The following SORCS2 variants were observed in gnomAD, a reference collection of about 807,000 sequenced individuals.
The protein encoded by SORCS2 is sortilin related VPS10 domain containing receptor 2.
Under a neutral mutation model 141.6 loss-of-function variants are expected in SORCS2, and 100 were observed. That is an observed-to-expected ratio of 0.71 (90% CI 0.60 to 0.83). SORCS2 has a LOEUF of 0.83. SORCS2 is among the 40% of genes least tolerant of loss of function. The pLI is 0.00. For synonymous variants in SORCS2, 789 were observed against 676.9 expected (o/e 1.17, Z -2.57); for missense variants, 1,646 against 1,560.2 (o/e 1.05, Z -0.93).
chr4:7,365,443 G>A (rs536975897), intron 1 of SORCS2, among the ~76,000 whole-genome samples: 1 of 152,292 alleles, frequency 6.6e-6, no homozygotes, highest in Non-Finnish European at 1.5e-5. Context: ...TGGGGAGCTG[G>A]GACAAGAGCC....
chr4:7,565,819 G>A (rs890251371), intron 3 of SORCS2, among the ~76,000 whole-genome samples: 51 of 120,366 alleles, frequency 4.2e-4, no homozygotes, highest in Non-Finnish European at 8.9e-4. Flanking sequence ...ATGTGATGAT[G>A]GCAATGGTGA....
intron 1 of SORCS2, among the ~76,000 whole-genome samples, chr4:7,222,415 T>A (rs34673855): frequency 6.6e-6 from 1 of 152,202 alleles, no homozygotes; most frequent in East Asian, 1.9e-4. Flanking sequence ...TGCATGTCTA[T>A]GGAATGTCTA....
chr4:7,393,777 T>C (rs1436439099), intron 1 of SORCS2, among the ~76,000 whole-genome samples: 1 of 152,184 alleles, frequency 6.6e-6, no homozygotes, highest in African/African-American at 2.4e-5. Context: ...CTATGGCTTA[T>C]GGGTCATTTC....
At chr4:7,255,650 G>A (rs578060937) in intron 1 of SORCS2, among the ~76,000 whole-genome samples, 25 of 152,338 alleles carry the variant, frequency 1.6e-4, no homozygotes, top group Non-Finnish European at 3.4e-4. Flanking sequence ...GAGGTCAGGC[G>A]GGGGCCGGCT....
intron 1 of SORCS2, among the ~76,000 whole-genome samples, chr4:7,293,181 G>C (rs1280817737): frequency 6.6e-6 from 1 of 152,070 alleles, no homozygotes; most frequent in Admixed American, 6.6e-5. Flanking sequence ...GCGGGCACCT[G>C]TAGTCCCAGC....
rs1418358707 is a variant in SORCS2 at position 7,498,154 on chromosome 4, T to C, written c.549-33376T>C. 4.6e-5 allele frequency among the ~76,000 whole-genome samples: 7 copies of C among 152,276 alleles called. No homozygotes were observed. The South Asian group carries it at 1.0e-3, about 23-fold the overall frequency. On this transcript the variant is annotated intron_variant, in intron 2 of 26. Transcript: ENST00000507866. ...GTCTGGAGTCCTGGAAAGGGAAGGATTGGGGTTCCTCCTAGTCCTCCCTTA... is the reference window on the plus strand; with the variant it reads ...GTCTGGAGTCCTGGAAAGGGAAGGACTGGGGTTCCTCCTAGTCCTCCCTTA...
chr4:7,705,503 C>T (rs984280182), intron 14 of SORCS2, among the ~76,000 whole-genome samples: 1 of 152,236 alleles, frequency 6.6e-6, no homozygotes, highest in African/African-American at 2.4e-5. Flanking sequence ...GACACCTGGA[C>T]TTTGAACACC....
At chr4:7,583,733 A>G (rs184662860) in intron 3 of SORCS2, among the ~76,000 whole-genome samples, 239 of 152,310 alleles carry the variant, frequency 1.6e-3, no homozygotes, top group Middle Eastern at 6.8e-3. Flanking sequence ...GCCACATGGA[A>G]CTGTGAGTCC....
chr4:7,722,110 C>T (rs1238569476), intron 18 of SORCS2, among the ~76,000 whole-genome samples: 1 of 152,210 alleles, frequency 6.6e-6, no homozygotes, highest in Non-Finnish European at 1.5e-5. Context: ...GTTAAATGTG[C>T]ATCAGCGCAG....
chr4:7,632,349 A>C (rs551984071), intron 3 of SORCS2, among the ~76,000 whole-genome samples: 1 of 152,330 alleles, frequency 6.6e-6, no homozygotes, highest in South Asian at 2.1e-4. Flanking sequence ...CCCCCAGAAT[A>C]GTAAGCAGTA....
intron 11 of SORCS2, among the ~76,000 whole-genome samples, chr4:7,694,951 G>A (rs919988642): frequency 1.1e-4 from 17 of 151,722 alleles, no homozygotes; most frequent in Non-Finnish European, 4.4e-5. Context: ...GGCTCTCCTT[G>A]AGGCTCTCCT....
chr4:7,203,330 A>G (rs138988750), intron 1 of SORCS2, among the ~76,000 whole-genome samples: 4,913 of 152,324 alleles, frequency 0.032, 306 homozygotes, highest in East Asian at 0.24. Flanking sequence ...AGGCTGAGGC[A>G]GAAGAATCGC....
intron 2 of SORCS2, among the ~76,000 whole-genome samples, chr4:7,498,016 G>A (rs1353902845): frequency 1.3e-5 from 2 of 152,258 alleles, no homozygotes; most frequent in Non-Finnish European, 2.9e-5. Flanking sequence ...CCCTGGGCTT[G>A]GAGATTCATC....
chr4:7,719,136 T>G (rs191621777), intron 18 of SORCS2, among the ~76,000 whole-genome samples: 799 of 152,358 alleles, frequency 5.2e-3, no homozygotes, highest in Non-Finnish European at 8.3e-3. Context: ...GTACGGGAGA[T>G]GCAGCTAGTG....
In SORCS2 at chr4:7,472,401, G is replaced by A. The variant is rs112233647; in HGVS notation, c.549-59129G>A. ...AGGCAAAGTGGACGGCATGTTCCCC[G>A]CCTCAGGGGGATGAGGGGATGGCGT... On this transcript the variant is annotated intron_variant, in intron 2 of 26. Transcript: ENST00000507866. 8.8e-3 allele frequency among the ~76,000 whole-genome samples: 1,341 copies of A among 152,248 alleles called. 17 individuals are homozygous for A. Among genetic ancestry groups the A allele is most frequent in the African/African-American group, 0.031 (1,276 of 41,554 alleles).
chr4:7,442,844 G>T (rs141827192), intron 2 of SORCS2, among the ~76,000 whole-genome samples: 5 of 151,906 alleles, frequency 3.3e-5, no homozygotes, highest in African/African-American at 7.3e-5. Context: ...GAAAACAACC[G>T]GAACTCCTTT....
At chr4:7,509,395 A>G (rs868727461) in intron 2 of SORCS2, among the ~76,000 whole-genome samples, 1 of 152,174 alleles carries the variant, frequency 6.6e-6, no homozygotes, top group Admixed American at 6.5e-5. Flanking sequence ...TGGGCCAGGC[A>G]GTCATAGGGG....
chr4:7,416,482 A>G (rs1216904038), intron 2 of SORCS2, among the ~76,000 whole-genome samples: 1 of 152,114 alleles, frequency 6.6e-6, no homozygotes, highest in Non-Finnish European at 1.5e-5. Flanking sequence ...ACACACACTC[A>G]TGCACGCTCA....
chr4:7,319,327 G>A (rs183695558), intron 1 of SORCS2, among the ~76,000 whole-genome samples: 139 of 152,178 alleles, frequency 9.1e-4, no homozygotes, highest in African/African-American at 2.7e-3. Flanking sequence ...ATCATGAATC[G>A]AGCTGGGTTT....
Sources: gnomAD v4.1 joint callset for allele counts (sites outside exome capture counted in the v4.1 genomes callset) on GRCh38, gnomAD v4.1.1 for gene constraint, MANE v1.5 for transcripts, NCBI Gene and HGNC (gene_info 2026-07-23, HGNC 2026-07-21) for gene names.